The following DCDC1 variants were observed in gnomAD, a reference collection of about 807,000 sequenced individuals.
DCDC1 encodes the protein doublecortin domain-containing protein 1.
A neutral mutation model predicts 178.3 loss-of-function variants in DCDC1; 200 were observed. That is an observed-to-expected ratio of 1.12 (90% CI 1.00 to 1.26). The LOEUF (loss-of-function observed/expected upper bound fraction) is 1.26, where lower values mean the gene tolerates loss of function less well. DCDC1 is among the 50% of genes most tolerant of loss of function. DCDC1 has a pLI of 0.00. For missense variants in DCDC1, 1,983 were observed against 1,749.2 expected (o/e 1.13, Z -2.38); for synonymous variants, 690 against 604.8 (o/e 1.14, Z -2.07).
chr11:31,285,381 C>T (rs1946747959), intron 7 of DCDC1, among the ~76,000 whole-genome samples: 1 of 152,110 alleles, frequency 6.6e-6, no homozygotes, highest in African/African-American at 2.4e-5. Flanking sequence ...ACTAATTATG[C>T]ATGACCTCCT....
chr11:31,251,615 CAGAG>C (rs142524213), intron 8 of DCDC1, among the ~76,000 whole-genome samples: 16 of 147,824 alleles, frequency 1.1e-4, no homozygotes, highest in South Asian at 8.6e-4. Flanking sequence ...GACAGAGAAA[CAGAG>C]AGAGAGAGAG....
At position 31,327,988 on chromosome 11, in the gene DCDC1, C is replaced by A. The variant is rs1264291801; in HGVS notation, c.164+129G>T. 4 of 938,370 alleles carry A rather than the reference C, an allele frequency of 4.3e-6. No homozygotes were observed. In the African/African-American group the frequency reaches 5.1e-5, roughly 12 times the overall value. The allele number at this position is 938,370 out of a possible 1,614,324, so 58.1% of individuals were successfully genotyped here. A position where few individuals can be genotyped will look rare whatever the true frequency, so the allele number is the denominator to read the frequency against. ...CAAGTGATCCACCTGCCTCGGCCTC[C>A]CAAAGTGCTGGGATTACAGGCATGA... On this transcript the variant is annotated intron_variant, in intron 3 of 38. Transcript: ENST00000684477.
intron 6 of DCDC1, among the ~76,000 whole-genome samples, chr11:31,293,082 C>T (rs527468928): frequency 1.6e-4 from 24 of 152,236 alleles, no homozygotes; most frequent in African/African-American, 4.3e-4. Flanking sequence ...CACTCCACTA[C>T]GTGACAGGGA....
At chr11:31,065,598 A>G (rs1338652623) in intron 18 of DCDC1, among the ~76,000 whole-genome samples, 2 of 152,236 alleles carry the variant, frequency 1.3e-5, no homozygotes, top group African/African-American at 4.8e-5. Flanking sequence ...TAGATAAGAT[A>G]GTAACCTGAG....
intron 18 of DCDC1, among the ~76,000 whole-genome samples, chr11:31,076,692 C>T (rs945136960): frequency 3.9e-5 from 6 of 152,200 alleles, no homozygotes; most frequent in Middle Eastern, 3.4e-3. Context: ...CTCATTAATC[C>T]TGGATTTATG....
chr11:30,925,971 C>T (rs898584313), intron 22 of DCDC1, among the ~76,000 whole-genome samples: 4 of 152,132 alleles, frequency 2.6e-5, no homozygotes, highest in Non-Finnish European at 5.9e-5. Context: ...ATTTCCCACT[C>T]CCACAACCCC....
intron 9 of DCDC1, among the ~76,000 whole-genome samples, chr11:31,193,213 T>C (rs1970319049): frequency 6.6e-6 from 1 of 152,088 alleles, no homozygotes; most frequent in Non-Finnish European, 1.5e-5. Flanking sequence ...AGAAGCCAAT[T>C]ACCATAACAA....
At chr11:31,061,872 CA>C (rs1164179317) in intron 20 of DCDC1, among the ~76,000 whole-genome samples, 1 of 152,094 alleles carries the variant, frequency 6.6e-6, no homozygotes, top group Non-Finnish European at 1.5e-5. Flanking sequence ...TCTGGTATGG[CA>C]GCTGACATTA....
Position 30,909,049 on chromosome 11 carries a change from A to C in DCDC1, c.3815T>G (p.Leu1272Arg). 1 of 1,612,230 alleles carries C rather than the reference A, an allele frequency of 6.2e-7. No individual in the cohort carries two copies. Among genetic ancestry groups the C allele is most frequent in the Non-Finnish European group, 8.5e-7 (1 of 1,178,836 alleles). Residue 1272 changes from leucine (L) to arginine (R), a missense_variant, in exon 29 of 39, where the codon CTT becomes CGT. Leu to Arg is a moderately radical substitution (Grantham distance 102). Coordinates refer to ENST00000684477, the MANE Select transcript of DCDC1 (RefSeq NM_001387274.1). ...KWHYMKNIKA[L>R]VAFHSTALDK... Reference sequence around the variant, plus strand: ...CAAGGCAGTGCTATGAAAGGCCACAAGTGCTTTTATATTTTTCATGTAATG... The same window carrying C: ...CAAGGCAGTGCTATGAAAGGCCACACGTGCTTTTATATTTTTCATGTAATG...
At chr11:30,886,779 ACCAAAGGGTATGG>A (rs1943210362) in intron 36 of DCDC1, among the ~76,000 whole-genome samples, 1 of 152,096 alleles carries the variant, frequency 6.6e-6, no homozygotes, top group African/African-American at 2.4e-5. Flanking sequence ...CTCCAAGGAA[ACCAAAGGGTATGG>A]CAGTTGAGTT....
intron 1 of DCDC1, among the ~76,000 whole-genome samples, chr11:31,366,354 G>A (rs1262357274): frequency 2.0e-5 from 3 of 152,310 alleles, no homozygotes; most frequent in Middle Eastern, 3.4e-3. Context: ...AGAGAATGAG[G>A]CAAGATAGCT....
chr11:30,882,468 GT>G (rs1402989576), intron 36 of DCDC1: 1 of 151,764 alleles, frequency 6.6e-6, no homozygotes, highest in Non-Finnish European at 1.5e-5. Context: ...CATACTTTAA[GT>G]TCTAGGGTAC....
chr11:31,243,114 CAAACTT>C (rs1207604857), intron 8 of DCDC1, among the ~76,000 whole-genome samples: 9 of 151,336 alleles, frequency 5.9e-5, no homozygotes, highest in South Asian at 2.1e-4. Flanking sequence ...ACAAACAACT[CAAACTT>C]AAAAAAATAT....
At chr11:31,298,773 C>G (rs977568629) in intron 6 of DCDC1, among the ~76,000 whole-genome samples, 1 of 152,270 alleles carries the variant, frequency 6.6e-6, no homozygotes, top group South Asian at 2.1e-4. Flanking sequence ...TCTGGATGCT[C>G]CTAACATTAT....
At chr11:31,077,437 C>T (rs1479480697) in intron 18 of DCDC1, among the ~76,000 whole-genome samples, 1 of 152,092 alleles carries the variant, frequency 6.6e-6, no homozygotes, top group Non-Finnish European at 1.5e-5. Context: ...ATTAGTATTG[C>T]TATTAACATT....
chr11:31,223,235 G>A (rs966087345), intron 9 of DCDC1, among the ~76,000 whole-genome samples: 4 of 152,086 alleles, frequency 2.6e-5, no homozygotes, highest in African/African-American at 9.7e-5. Flanking sequence ...TGGTTATTAT[G>A]TACAATAGCA....
At chr11:31,327,405 G>A (rs926948474) in intron 3 of DCDC1, among the ~76,000 whole-genome samples, 1 of 151,956 alleles carries the variant, frequency 6.6e-6, no homozygotes, top group African/African-American at 2.4e-5. Context: ...CCCGACCTCA[G>A]GTGATCTGCC....
chr11:30,964,087 A>T (rs905022525), intron 20 of DCDC1, among the ~76,000 whole-genome samples: 6 of 152,134 alleles, frequency 3.9e-5, no homozygotes, highest in African/African-American at 9.7e-5. Flanking sequence ...ATGTTTTTTT[A>T]AAAAATCTCC....
At chr11:31,057,775 C>T (rs1955678490) in intron 20 of DCDC1, among the ~76,000 whole-genome samples, 2 of 152,210 alleles carry the variant, frequency 1.3e-5, no homozygotes, top group South Asian at 4.1e-4. Context: ...TGCTTAATTT[C>T]ACTAAGGGAA....
Sources: allele counts gnomAD v4.1 joint callset (sites outside exome capture counted in the v4.1 genomes callset), GRCh38; gene constraint gnomAD v4.1.1; transcripts MANE v1.5; gene names NCBI Gene and HGNC (gene_info 2026-07-23, HGNC 2026-07-21).